VCL: variants seen among roughly 807,000 people sequenced by gnomAD.
VCL encodes vinculin, also known as epididymis luminal protein 114.
In VCL, 47 loss-of-function variants were observed where a neutral mutation model predicts 125.7. That is an observed-to-expected ratio of 0.37 (90% CI 0.30 to 0.48). The LOEUF is 0.48. Among genes scored for constraint, VCL ranks in the 20% least tolerant of loss-of-function variants. The pLI, the probability that VCL is intolerant of heterozygous loss-of-function variation, is 0.99. For synonymous variants in VCL, 458 were observed against 514.6 expected (o/e 0.89, Z 1.49); for missense variants, 1,069 against 1,455.5 (o/e 0.73, Z 4.32).
At chr10:74,021,188 G>A (rs1361314330) in intron 1 of VCL, among the ~76,000 whole-genome samples, 1 of 152,044 alleles carries the variant, frequency 6.6e-6, no homozygotes, top group Non-Finnish European at 1.5e-5. Flanking sequence ...AGGCTGCTCA[G>A]CAAAGGGAAG....
intron 1 of VCL, among the ~76,000 whole-genome samples, chr10:74,007,213 A>C (rs1840336437): frequency 6.6e-6 from 1 of 152,188 alleles, no homozygotes; most frequent in Non-Finnish European, 1.5e-5. Context: ...TCCTGGGCTC[A>C]AGTGATCCAC....
chr10:74,090,116 G>A lies in VCL; in HGVS notation c.1270G>A (p.Asp424Asn). The A allele has an allele frequency of 6.2e-7, 1 of 1,614,168 alleles. No homozygotes were observed. Among genetic ancestry groups the A allele is most frequent in the African/African-American group, 1.3e-5 (1 of 75,046 alleles). The change falls in exon 10 of 22, where the codon GAT becomes AAT. Residue 424 changes from aspartate (D) to asparagine (N), a missense_variant. By Grantham distance (23) the Asp-to-Asn change is conservative. Coordinates refer to ENST00000211998, the MANE Select transcript of VCL (RefSeq NM_014000.3). ...TCGGAAAATAGCAGAATTATGTGAT[G>A]ATCCTAAAGAAAGAGATGACATTCT... is the stretch of plus-strand genomic sequence containing the variant. ...EARKIAELCD[D>N]PKERDDILRS...
At chr10:74,062,055 G>A (rs1421819503) in intron 2 of VCL, among the ~76,000 whole-genome samples, 3 of 151,248 alleles carry the variant, frequency 2.0e-5, no homozygotes, top group Admixed American at 2.0e-4. Flanking sequence ...ACAACACCAT[G>A]CCATTACATT....
In VCL at chr10:74,045,914, T is replaced by C. The variant is rs189525459; in HGVS notation, c.239+2761T>C. On this transcript the variant is annotated intron_variant, in intron 2 of 21. Coordinates refer to ENST00000211998, the MANE Select transcript of VCL (RefSeq NM_014000.3). ...GTTTATTTTCTCTATGTATGTTAAA[T>C]ATCACAACTTTAAATAAAGCTAAAA... 2.8e-4 allele frequency among the ~76,000 whole-genome samples: 42 copies of C among 152,342 alleles called. 1 individual carries two copies. Among genetic ancestry groups the C allele is most frequent in the Admixed American group, 7.8e-4 (12 of 15,298 alleles).
intron 1 of VCL, among the ~76,000 whole-genome samples, chr10:74,009,047 G>C (rs1840368749): frequency 6.6e-6 from 1 of 152,164 alleles, no homozygotes; most frequent in African/African-American, 2.4e-5. Flanking sequence ...CTGAAAGATA[G>C]AGAAGAAATT....
intron 16 of VCL, among the ~76,000 whole-genome samples, chr10:74,106,652 G>A (rs1840139782): frequency 6.6e-6 from 1 of 152,186 alleles, no homozygotes; most frequent in Non-Finnish European, 1.5e-5. Context: ...TCTGGTTCAG[G>A]CAGAATCTTT....
At chr10:74,079,774 T>G (rs1307059610) in intron 6 of VCL, among the ~76,000 whole-genome samples, 3 of 152,216 alleles carry the variant, frequency 2.0e-5, no homozygotes, top group Admixed American at 6.5e-5. Context: ...ATAAAATGGT[T>G]ACTTATAACC....
chr10:74,084,067 A>ATCT (rs1839726794), intron 8 of VCL, among the ~76,000 whole-genome samples: 1 of 152,048 alleles, frequency 6.6e-6, no homozygotes, highest in Non-Finnish European at 1.5e-5. Context: ...GGGTTTCACC[A>ATCT]TCTTGGCCAG....
intron 1 of VCL, among the ~76,000 whole-genome samples, chr10:74,020,726 A>G (rs544887493): frequency 1.1e-3 from 167 of 151,460 alleles, no homozygotes; most frequent in African/African-American, 3.9e-3. Context: ...CTGTAGTCCC[A>G]GCTACTCAGG....
At chr10:74,094,559 G>A in intron 11 of VCL, 98 bp downstream of exon 11, 2 of 1,377,370 alleles carry the variant, frequency 1.5e-6, no homozygotes, top group Non-Finnish European at 2.0e-6. Context: ...TTAGGTAAGG[G>A]TTCTTTAGCT....
intron 8 of VCL, among the ~76,000 whole-genome samples, chr10:74,088,755 A>G (rs1206733886): frequency 6.6e-6 from 1 of 151,932 alleles, no homozygotes; most frequent in Non-Finnish European, 1.5e-5. Flanking sequence ...CATTAACACT[A>G]TGCGTGCTTC....
chr10:74,114,422 T>C (rs1591720263), intron 20 of VCL, 35 bp downstream of exon 20: 10 of 1,583,178 alleles, frequency 6.3e-6, no homozygotes, highest in Non-Finnish European at 8.6e-7. Flanking sequence ...TGTGTGTGTG[T>C]GTGTGTGTGT....
intron 1 of VCL, among the ~76,000 whole-genome samples, chr10:74,026,732 G>T (rs1840779054): frequency 6.6e-6 from 1 of 152,178 alleles, no homozygotes; most frequent in Non-Finnish European, 1.5e-5. Context: ...AGGAGACTGA[G>T]GCTCAAAGAG....
At position 74,042,012 on chromosome 10, in the gene VCL, G is replaced by A. The variant is rs571875640; in HGVS notation, c.169-1071G>A. On this transcript the variant is annotated intron_variant, in intron 1 of 21. Coordinates refer to ENST00000211998, the MANE Select transcript of VCL (RefSeq NM_014000.3). ...TTCAGGAAATTAGAAAATAGGAAAC[G>A]CAGATACAAATTCATTCAATTTCCT... Among the ~76,000 whole-genome samples the A allele has an allele frequency of 9.2e-5, 14 of 152,280 alleles. No individual in the cohort carries two copies. The South Asian group carries it at 2.3e-3, about 25-fold the overall frequency.
intron 2 of VCL, among the ~76,000 whole-genome samples, chr10:74,048,891 C>T (rs1289382074): frequency 3.3e-5 from 5 of 151,934 alleles, no homozygotes; most frequent in South Asian, 2.1e-4. Context: ...GAGGCCGAGG[C>T]GGGGGGATTG....
intron 7 of VCL, 76 bp from the exon 8 acceptor site, chr10:74,083,290 G>A: frequency 6.3e-7 from 1 of 1,586,912 alleles, no homozygotes; most frequent in Non-Finnish European, 8.6e-7. Flanking sequence ...CTTGGTGAAT[G>A]AAATGACTTG....
intron 2 of VCL, among the ~76,000 whole-genome samples, chr10:74,050,036 G>C (rs11596000): frequency 0.15 from 23,387 of 152,172 alleles, 1,892 homozygotes; most frequent in East Asian, 0.22. Flanking sequence ...GCAATTCTTG[G>C]ACCTGATCCA....
chr10:74,118,250 T>C lies in VCL; in HGVS notation c.*81T>C. On this transcript the variant is annotated 3_prime_UTR_variant, in exon 22 of 22. Transcript: ENST00000211998. Reference sequence around the variant, plus strand: ...TCTGAGTCCCAGGAGCTGCCCAGAGTTGCTGGGAGCTGAAAAATCACATCC... The same window carrying C: ...TCTGAGTCCCAGGAGCTGCCCAGAGCTGCTGGGAGCTGAAAAATCACATCC... The C allele has an allele frequency of 6.3e-7, 1 of 1,579,320 alleles. No individual in the cohort carries two copies.
At position 74,098,022 on chromosome 10, in the gene VCL, T is replaced by G. The variant is rs376120184; in HGVS notation, c.1872+690T>G. On this transcript the variant is annotated intron_variant, in intron 13 of 21. Transcript: ENST00000211998. The stretch of plus-strand genomic sequence containing the variant: ...AAGAGATGGACATGTTTCGCTCCTG[T>G]GAGCTGGCACGAGTCGGTACAGGTG... Among the ~76,000 whole-genome samples, 58 of 152,338 alleles carry G rather than the reference T, an allele frequency of 3.8e-4. 2 individuals are homozygous for G. Among genetic ancestry groups the G allele is most frequent in the African/African-American group, 1.4e-3 (57 of 41,582 alleles).
Sources: allele counts gnomAD v4.1 joint callset (sites outside exome capture counted in the v4.1 genomes callset), GRCh38; gene constraint gnomAD v4.1.1; transcripts MANE v1.5; gene names NCBI Gene and HGNC (gene_info 2026-07-23, HGNC 2026-07-21).